TGFA: variants seen among roughly 807,000 people sequenced by gnomAD.
TGFA encodes protransforming growth factor alpha.
In TGFA, 12 loss-of-function variants were observed where a neutral mutation model predicts 21.7. The observed-to-expected ratio is 0.55, with a 90% CI of 0.35 to 0.90. The LOEUF is 0.90. Ranked by LOEUF, TGFA falls within the 40% of genes least tolerant of loss-of-function variation. The pLI is 0.01. For synonymous variants in TGFA, 79 were observed against 88.1 expected (o/e 0.90, Z 0.58); for missense variants, 178 against 210.8 (o/e 0.84, Z 0.96).
chr2:70,512,640 C>T (rs1040862677), intron 2 of TGFA, among the ~76,000 whole-genome samples: 1 of 152,206 alleles, frequency 6.6e-6, no homozygotes, highest in Admixed American at 6.5e-5. Flanking sequence ...TAGTCCCCTT[C>T]TGGACAAATT....
intron 1 of TGFA, among the ~76,000 whole-genome samples, chr2:70,540,947 C>T (rs1553505127): frequency 2.6e-5 from 4 of 152,054 alleles, no homozygotes; most frequent in Non-Finnish European, 4.4e-5. Context: ...AATGAGATAC[C>T]ATTTTGCCAA....
intron 2 of TGFA, among the ~76,000 whole-genome samples, chr2:70,472,708 G>A (rs935241394): frequency 6.6e-6 from 1 of 152,196 alleles, no homozygotes; most frequent in African/African-American, 2.4e-5. Context: ...AGCCCTAATT[G>A]GACTTCATGC....
intron 3 of TGFA, among the ~76,000 whole-genome samples, chr2:70,458,617 C>G (rs1670314299): frequency 1.3e-5 from 2 of 152,238 alleles, no homozygotes; most frequent in Admixed American, 6.5e-5. Flanking sequence ...ACTCCGGCTA[C>G]CTTTTCCACC....
intron 2 of TGFA, among the ~76,000 whole-genome samples, chr2:70,513,591 T>C (rs1204274251): frequency 6.6e-6 from 1 of 151,950 alleles, no homozygotes; most frequent in Non-Finnish European, 1.5e-5. Context: ...ACCTTAAGGG[T>C]CCAAGCGCAT....
At position 70,450,062 on chromosome 2, in the gene TGFA, G is replaced by C. The variant is rs955901732; in HGVS notation, c.*797C>G. Reference sequence around the variant, plus strand: ...TATTCCTACCAGTAACCCAGCCTCTGGTTCCATCTCCGCACCCTGGAAGAC... The same window carrying C: ...TATTCCTACCAGTAACCCAGCCTCTCGTTCCATCTCCGCACCCTGGAAGAC... On this transcript the variant is annotated 3_prime_UTR_variant, in exon 6 of 6. Coordinates refer to ENST00000295400, the MANE Select transcript of TGFA (RefSeq NM_003236.4). 5.9e-5 allele frequency: 9 copies of C among 152,182 alleles called. No homozygotes were observed. Among genetic ancestry groups the C allele is most frequent in the African/African-American group, 2.2e-4 (9 of 41,424 alleles). The allele number at this position is 152,182 out of a possible 1,614,324, so 9.4% of individuals were successfully genotyped here.
At chr2:70,483,893 A>T (rs1306941965) in intron 2 of TGFA, among the ~76,000 whole-genome samples, 3 of 152,158 alleles carry the variant, frequency 2.0e-5, no homozygotes, top group Non-Finnish European at 4.4e-5. Flanking sequence ...TTACTAGATG[A>T]TGTATCAGAG....
At chr2:70,456,581 C>G (rs553881915) in intron 3 of TGFA, 93 bp from the exon 4 acceptor site, 2 of 1,458,170 alleles carry the variant, frequency 1.4e-6, no homozygotes, top group East Asian at 5.0e-5. Flanking sequence ...GACCCAGAGC[C>G]TGCAGGTAAA....
intron 1 of TGFA, among the ~76,000 whole-genome samples, chr2:70,523,559 A>G (rs557545705): frequency 6.6e-6 from 1 of 152,260 alleles, no homozygotes; most frequent in South Asian, 2.1e-4. Context: ...CATTTCTACC[A>G]GCCTTCCAGG....
At chr2:70,495,513 CT>C (rs1671549187) in intron 2 of TGFA, among the ~76,000 whole-genome samples, 1 of 152,106 alleles carries the variant, frequency 6.6e-6, no homozygotes, top group South Asian at 2.1e-4. Flanking sequence ...GTTCTATAAC[CT>C]TTTACTTTCC....
At chr2:70,499,356 A>T (rs1671670739) in intron 2 of TGFA, among the ~76,000 whole-genome samples, 1 of 152,242 alleles carries the variant, frequency 6.6e-6, no homozygotes, top group African/African-American at 2.4e-5. Flanking sequence ...ACTTGCTGAT[A>T]TGGAGGTCTA....
At chr2:70,497,599 C>A (rs1367301530) in intron 2 of TGFA, among the ~76,000 whole-genome samples, 3 of 152,156 alleles carry the variant, frequency 2.0e-5, no homozygotes, top group African/African-American at 7.2e-5. Flanking sequence ...GCATCCCAGC[C>A]CTGCTAACTT....
At chr2:70,503,412 CGGGGCCTGTTGTGAGGTG>C (rs1213044389) in intron 2 of TGFA, among the ~76,000 whole-genome samples, 1 of 93,402 alleles carries the variant, frequency 1.1e-5, no homozygotes, top group Non-Finnish European at 2.0e-5. Context: ...CATCACACAC[CGGGGCCTGTTGTGAGGTG>C]GGGGGAGGGG....
At chr2:70,545,545 G>T (rs1463772096) in intron 1 of TGFA, among the ~76,000 whole-genome samples, 1 of 151,968 alleles carries the variant, frequency 6.6e-6, no homozygotes, top group Non-Finnish European at 1.5e-5. Context: ...ACTACTAACT[G>T]GTTAACTGTT....
chr2:70,547,713 T>C (rs572162028), intron 1 of TGFA, among the ~76,000 whole-genome samples: 1 of 148,126 alleles, frequency 6.8e-6, no homozygotes, highest in South Asian at 2.1e-4. Context: ...GTATAGATAG[T>C]ATACTATCTA....
intron 2 of TGFA, among the ~76,000 whole-genome samples, chr2:70,495,434 T>C (rs1206208751): frequency 6.6e-6 from 1 of 152,244 alleles, no homozygotes; most frequent in Non-Finnish European, 1.5e-5. Flanking sequence ...TTCCCCCTTA[T>C]TCATCCTAAT....
intron 1 of TGFA, among the ~76,000 whole-genome samples, chr2:70,534,846 G>A (rs887792288): frequency 6.6e-6 from 1 of 152,124 alleles, no homozygotes; most frequent in African/African-American, 2.4e-5. Flanking sequence ...TCTGTTACAC[G>A]ATGGTGCTCT....
At chr2:70,533,610 T>C (rs1175938796) in intron 1 of TGFA, among the ~76,000 whole-genome samples, 1 of 123,346 alleles carries the variant, frequency 8.1e-6, no homozygotes, top group Non-Finnish European at 1.8e-5. Context: ...ACCAGCAGGA[T>C]AGGCTGCTGG....
rs571671143 is a variant in TGFA at position 70,537,158 on chromosome 2, A to C, written c.40+16570T>G. ...CAGTGATCTTTGATGTTACTATTGT[A>C]ATTGTTTCGGGGTGCCATGAACCAC... On this transcript the variant is annotated intron_variant, in intron 1 of 5. Transcript: ENST00000295400. 1.3e-4 allele frequency among the ~76,000 whole-genome samples: 20 copies of C among 152,178 alleles called. No homozygotes were observed. The South Asian group carries it at 4.2e-3, about 32-fold the overall frequency.
intron 1 of TGFA, among the ~76,000 whole-genome samples, chr2:70,525,322 C>T (rs1553502833): frequency 1.3e-5 from 2 of 152,166 alleles, no homozygotes; most frequent in Non-Finnish European, 2.9e-5. Context: ...AATGCAGCAT[C>T]AGCCTGGAAG....
Sources: allele counts gnomAD v4.1 joint callset (sites outside exome capture counted in the v4.1 genomes callset), GRCh38; gene constraint gnomAD v4.1.1; transcripts MANE v1.5; gene names NCBI Gene and HGNC (gene_info 2026-07-23, HGNC 2026-07-21).